CLMP: variants seen among roughly 807,000 people sequenced by gnomAD.
The protein encoded by CLMP is CXADR like cell adhesion molecule, also known as CXADR-like membrane protein.
Under a neutral mutation model 45.2 loss-of-function variants are expected in CLMP, and 27 were observed. The ratio of observed to expected loss-of-function variants is 0.60; its 90% CI spans 0.44 to 0.82. CLMP has a LOEUF of 0.82. Ranked by LOEUF, CLMP falls within the 40% of genes least tolerant of loss-of-function variation. CLMP has a pLI of 0.00. For synonymous variants in CLMP, 167 were observed against 171.4 expected (o/e 0.97, Z 0.20); for missense variants, 403 against 448.4 (o/e 0.90, Z 0.91).
chr11:123,077,493 G>T (rs1234412816), intron 5 of CLMP, among the ~76,000 whole-genome samples: 1 of 152,008 alleles, frequency 6.6e-6, no homozygotes, highest in Non-Finnish European at 1.5e-5. Flanking sequence ...CACCACTCCT[G>T]GCTAATTTTG....
At chr11:123,130,565 G>A (rs929668797) in intron 1 of CLMP, among the ~76,000 whole-genome samples, 3 of 152,058 alleles carry the variant, frequency 2.0e-5, no homozygotes, top group Admixed American at 6.6e-5. Context: ...TGATGTCCTC[G>A]CCCAGATGGA....
intron 1 of CLMP, among the ~76,000 whole-genome samples, chr11:123,147,951 G>T (rs1299362333): frequency 6.6e-6 from 1 of 151,906 alleles, no homozygotes; most frequent in Non-Finnish European, 1.5e-5. Flanking sequence ...GTGCTGGAAT[G>T]ATAGGCATGA....
chr11:123,152,597 G>A (rs1279065983), intron 1 of CLMP, among the ~76,000 whole-genome samples: 1 of 151,474 alleles, frequency 6.6e-6, no homozygotes, highest in Non-Finnish European at 1.5e-5. Context: ...AAGGAGAGAG[G>A]CCTTAGAGGA....
intron 1 of CLMP, among the ~76,000 whole-genome samples, chr11:123,145,655 A>G (rs7131073): frequency 0.41 from 61,812 of 151,584 alleles, 13,393 homozygotes; most frequent in African/African-American, 0.55. Flanking sequence ...GTAGAGACGG[A>G]GTTTCACCAT....
intron 1 of CLMP, among the ~76,000 whole-genome samples, chr11:123,149,930 G>A (rs1861289933): frequency 6.6e-6 from 1 of 151,552 alleles, no homozygotes; most frequent in Non-Finnish European, 1.5e-5. Context: ...CCTGGCTCCT[G>A]AGTAGCTGGG....
chr11:123,119,697 T>G (rs1860786422), intron 1 of CLMP, among the ~76,000 whole-genome samples: 1 of 151,958 alleles, frequency 6.6e-6, no homozygotes, highest in Non-Finnish European at 1.5e-5. Context: ...TTTTGTTGTT[T>G]TTTTTTTGAG....
chr11:123,141,705 G>T (rs1861161403), intron 1 of CLMP, among the ~76,000 whole-genome samples: 2 of 151,934 alleles, frequency 1.3e-5, no homozygotes, highest in Admixed American at 1.3e-4. Flanking sequence ...AAATGCTAAG[G>T]TGTTTAGTGT....
At chr11:123,134,467 A>G (rs478164) in intron 1 of CLMP, among the ~76,000 whole-genome samples, 1 of 151,868 alleles carries the variant, frequency 6.6e-6, no homozygotes, top group African/African-American at 2.4e-5. Flanking sequence ...GTACTTAGGC[A>G]AAGGGGAGCC....
chr11:123,195,024 A>C lies in CLMP; in HGVS notation c.-84T>G, dbSNP rs1255999455. 2 of 1,415,714 alleles carry C rather than the reference A, an allele frequency of 1.4e-6. No homozygotes were observed. The highest frequency in any genetic ancestry group is 3.0e-5 in the African/African-American group (2 of 67,752). 87.7% of individuals were successfully genotyped at this position (1,415,714 alleles called of 1,614,324 possible). On this transcript the variant is annotated 5_prime_UTR_variant, in exon 1 of 7. Coordinates refer to ENST00000448775, the MANE Select transcript of CLMP (RefSeq NM_024769.5). ...GGGCGCCTCCGACGGACCTCGGGCG[A>C]GCTGGGCGCGGCGCCTCGGGGTGCG...
At chr11:123,083,990 C>T in intron 3 of CLMP, 143 bp from the exon 4 acceptor site, 1 of 855,948 alleles carries the variant, frequency 1.2e-6, no homozygotes, top group Non-Finnish European at 1.8e-6. Flanking sequence ...ACTAGCCTTG[C>T]TTTACACTAC....
At chr11:123,152,017 C>T (rs1237438100) in intron 1 of CLMP, among the ~76,000 whole-genome samples, 1 of 152,160 alleles carries the variant, frequency 6.6e-6, no homozygotes, top group Non-Finnish European at 1.5e-5. Flanking sequence ...TAGCACAGTT[C>T]TGATTGCAGC....
At chr11:123,123,745 CCTG>C (rs1860852349) in intron 1 of CLMP, among the ~76,000 whole-genome samples, 2 of 152,270 alleles carry the variant, frequency 1.3e-5, no homozygotes, top group Admixed American at 1.3e-4. Context: ...ATACACAATT[CCTG>C]ACTCCTGTCC....
chr11:123,158,778 G>A (rs1250643404), intron 1 of CLMP, among the ~76,000 whole-genome samples: 2 of 152,340 alleles, frequency 1.3e-5, no homozygotes, highest in East Asian at 3.9e-4. Flanking sequence ...ACTTGGGCAA[G>A]TTTCTTCACC....
intron 1 of CLMP, among the ~76,000 whole-genome samples, chr11:123,150,544 GAAGGAAGGAAGGAAGGA>G (rs1392627654): frequency 7.4e-6 from 1 of 135,176 alleles, no homozygotes; most frequent in Non-Finnish European, 1.6e-5. Flanking sequence ...AACAAGCAAG[GAAGGAAGGAAGGAAGGA>G]AAGGAAGGAA....
intron 1 of CLMP, 128 bp from the exon 2 acceptor site, chr11:123,098,080 T>A: frequency 1.5e-6 from 1 of 655,512 alleles, no homozygotes; most frequent in Non-Finnish European, 2.4e-6. Flanking sequence ...GCAAGAGTCC[T>A]AGACCAGGTG....
At chr11:123,078,563 C>T (rs1365346995) in intron 5 of CLMP, among the ~76,000 whole-genome samples, 1 of 152,050 alleles carries the variant, frequency 6.6e-6, no homozygotes, top group Non-Finnish European at 1.5e-5. Context: ...TTTCCTACCT[C>T]AGCCTCCCGA....
chr11:123,172,839 C>G (rs1266121632), intron 1 of CLMP, among the ~76,000 whole-genome samples: 1 of 152,206 alleles, frequency 6.6e-6, no homozygotes, highest in African/African-American at 2.4e-5. Context: ...AGATTTCTAA[C>G]AATGGAATTA....
At chr11:123,135,964 G>C (rs1458993991) in intron 1 of CLMP, 6 of 558,320 alleles carry the variant, frequency 1.1e-5, no homozygotes, top group East Asian at 9.4e-5. Flanking sequence ...AATCTACCGG[G>C]TATCACAATG....
chr11:123,156,417 T>C (rs1861415440), intron 1 of CLMP, among the ~76,000 whole-genome samples: 1 of 152,236 alleles, frequency 6.6e-6, no homozygotes, highest in Non-Finnish European at 1.5e-5. Flanking sequence ...CAATCTTGGC[T>C]GCAAACTCGG....
Sources: allele counts gnomAD v4.1 joint callset (sites outside exome capture counted in the v4.1 genomes callset), GRCh38; gene constraint gnomAD v4.1.1; transcripts MANE v1.5; gene names NCBI Gene and HGNC (gene_info 2026-07-23, HGNC 2026-07-21).